The following ZC3H18 variants were observed in gnomAD, a reference collection of about 807,000 sequenced individuals.
ZC3H18 encodes the protein zinc finger CCCH domain-containing protein 18.
ZC3H18 carries 8 observed loss-of-function variants against 106.1 expected under a neutral mutation model. That is an observed-to-expected ratio of 0.08 (90% CI 0.04 to 0.14). ZC3H18 has a LOEUF of 0.14. Ranked by LOEUF, ZC3H18 falls within the 10% of genes least tolerant of loss-of-function variation. The pLI is 1.00. For synonymous variants in ZC3H18, 635 were observed against 522.1 expected, an observed-to-expected ratio of 1.22 and a Z score of -2.95; for missense variants, 1,318 against 1,278.4, an observed-to-expected ratio of 1.03 and a Z score of -0.47.
chr16:88,591,665 C>T (rs1453971358), intron 3 of ZC3H18, among the ~76,000 whole-genome samples: 1 of 152,172 alleles, frequency 6.6e-6, no homozygotes. Flanking sequence ...TGGGTGGTTT[C>T]CACCTCTAGG....
chr16:88,614,341 AAAAC>A (rs1905448719), intron 8 of ZC3H18, among the ~76,000 whole-genome samples: 1 of 152,238 alleles, frequency 6.6e-6, no homozygotes. Flanking sequence ...CCACGGGACA[AAAAC>A]AAGCCCCTTG....
chr16:88,585,038 C>T (rs887712230), intron 2 of ZC3H18, among the ~76,000 whole-genome samples: 1 of 152,194 alleles, frequency 6.6e-6, no homozygotes, highest in Admixed American at 6.5e-5. Context: ...TAGTGTGGTG[C>T]TCATTACTGT....
chr16:88,598,439 G>A, intron 4 of ZC3H18, 113 bp downstream of exon 4: 1 of 1,502,990 alleles, frequency 6.7e-7, no homozygotes, highest in East Asian at 2.3e-5. Context: ...CCCCCTTTCG[G>A]CTGCTTCTGT....
At chr16:88,572,188 T>G (rs557883839) in intron 1 of ZC3H18, among the ~76,000 whole-genome samples, 8 of 152,344 alleles carry the variant, frequency 5.3e-5, no homozygotes, top group Admixed American at 6.5e-5. Context: ...TCTTTAGGCT[T>G]GGAAGGTCAT....
rs11371124 is a variant in ZC3H18 at position 88,578,535 on chromosome 16, G to GTT, written c.603+818_603+819dup. On this transcript the variant is annotated intron_variant, in intron 2 of 17. Coordinates refer to ENST00000301011, the MANE Select transcript of ZC3H18 (RefSeq NM_144604.4). Reference sequence around the variant, plus strand: ...AGTTGAACTGAACTGGGTTTTTGTTGTTTTTTTTTTGAAAGATCCTGGGGA... The same window carrying GTT: ...AGTTGAACTGAACTGGGTTTTTGTTGTTTTTTTTTTTTGAAAGATCCTGGGGA... Among the ~76,000 whole-genome samples, 430 of 149,068 alleles carry GTT rather than the reference G, an allele frequency of 2.9e-3. 2 individuals carry two copies. Among genetic ancestry groups the GTT allele is most frequent in the Admixed American group, 7.5e-3 (112 of 14,960 alleles).
At chr16:88,630,616 G>A (rs765948895) in intron 17 of ZC3H18, 35 bp downstream of exon 17, 16 of 1,552,638 alleles carry the variant, frequency 1.0e-5, no homozygotes, top group South Asian at 3.5e-5. Context: ...TGGGCACACC[G>A]AGGGGGCCAG....
At chr16:88,618,330 G>A (rs1409565682) in intron 8 of ZC3H18, among the ~76,000 whole-genome samples, 1 of 152,248 alleles carries the variant, frequency 6.6e-6, no homozygotes, top group African/African-American at 2.4e-5. Flanking sequence ...AACAAGCCAG[G>A]AGAGAAGCTT....
intron 6 of ZC3H18, among the ~76,000 whole-genome samples, chr16:88,603,858 C>T (rs1221046312): frequency 6.7e-6 from 1 of 150,290 alleles, no homozygotes; most frequent in African/African-American, 2.5e-5. Context: ...TGGTCTCGAT[C>T]TCCTGACCTT....
chr16:88,573,379 G>C (rs776819817), intron 1 of ZC3H18, among the ~76,000 whole-genome samples: 1 of 152,008 alleles, frequency 6.6e-6, no homozygotes, highest in African/African-American at 2.4e-5. Flanking sequence ...GTTTGCCACC[G>C]GTGACTTACT....
intron 11 of ZC3H18, 67 bp downstream of exon 11, chr16:88,624,129 C>A (rs1267005661): frequency 6.3e-7 from 1 of 1,578,092 alleles, no homozygotes; most frequent in Non-Finnish European, 8.6e-7. Flanking sequence ...CTCCTCCCTC[C>A]GTCTCTATCT....
intron 6 of ZC3H18, among the ~76,000 whole-genome samples, chr16:88,602,267 C>T: frequency 6.6e-6 from 1 of 152,250 alleles, no homozygotes; most frequent in Non-Finnish European, 1.5e-5. Context: ...GCCTTAATGG[C>T]ACAGAAGAGG....
At chr16:88,626,265 T>C (rs1906303918) in intron 13 of ZC3H18, 1 of 152,204 alleles carries the variant, frequency 6.6e-6, no homozygotes, top group African/African-American at 2.4e-5. Flanking sequence ...AAATTTTTTT[T>C]AATTAGCTGG....
chr16:88,622,423 C>T (rs1176394298), intron 9 of ZC3H18, 35 bp downstream of exon 9: 2 of 1,558,880 alleles, frequency 1.3e-6, no homozygotes, highest in East Asian at 2.4e-5. Context: ...GGGGTGTCAG[C>T]ACCTTGGAGC....
At position 88,605,456 on chromosome 16, in the gene ZC3H18, G is replaced by A. The variant is rs114546464; in HGVS notation, c.1089-3478G>A. ...GCAAGAGGCAGCAGGGGGCTGCGTC[G>A]CTGCTCCCTTTGTGAGCTGCCTGGG... is the stretch of plus-strand genomic sequence containing the variant. On this transcript the variant is annotated intron_variant, in intron 6 of 17. Coordinates refer to ENST00000301011, the MANE Select transcript of ZC3H18 (RefSeq NM_144604.4). Among the ~76,000 whole-genome samples the A allele has an allele frequency of 2.6e-3, 392 of 152,354 alleles. 1 individual carries two copies. Among genetic ancestry groups the A allele is most frequent in the African/African-American group, 8.8e-3 (365 of 41,588 alleles).
chr16:88,583,781 G>C (rs904723663), intron 2 of ZC3H18, among the ~76,000 whole-genome samples: 3 of 152,180 alleles, frequency 2.0e-5, no homozygotes, highest in African/African-American at 7.2e-5. Context: ...GTCCCAGGTG[G>C]TGTGTGTTGA....
At chr16:88,604,498 A>T (rs990531399) in intron 6 of ZC3H18, among the ~76,000 whole-genome samples, 12 of 152,166 alleles carry the variant, frequency 7.9e-5, no homozygotes, top group Admixed American at 1.3e-4. Flanking sequence ...CGTTCTGGCT[A>T]ACATGGTGAA....
chr16:88,627,454 T>A lies in ZC3H18; in HGVS notation c.2109-168T>A. Reference sequence around the variant, plus strand: ...GGGCCCTGGCCTAGCCATGGGGACGTCCCTTACTTTGTAACCCTGAAACTG... The same window carrying A: ...GGGCCCTGGCCTAGCCATGGGGACGACCCTTACTTTGTAACCCTGAAACTG... On this transcript the variant is annotated intron_variant, in intron 13 of 17. Transcript: ENST00000301011. The surrounding 1 kb of genome is among the most constrained non-coding windows in gnomAD (Gnocchi z 4.5). 1.2e-6 allele frequency: 1 copy of A among 867,336 alleles called. No individual in the cohort carries two copies. 53.7% of individuals were successfully genotyped at this position (867,336 alleles called of 1,614,324 possible). A position where few individuals can be genotyped will look rare whatever the true frequency, so the allele number is the denominator to read the frequency against.
intron 1 of ZC3H18, among the ~76,000 whole-genome samples, chr16:88,571,129 G>A (rs1415099776): frequency 2.6e-5 from 4 of 152,288 alleles, no homozygotes; most frequent in African/African-American, 9.6e-5. Flanking sequence ...AGAGGTGCTG[G>A]GTCCTTTATA....
chr16:88,618,186 C>CTT (rs538070999), intron 8 of ZC3H18, among the ~76,000 whole-genome samples: 6 of 143,710 alleles, frequency 4.2e-5, no homozygotes, highest in East Asian at 2.0e-4. Flanking sequence ...TTGGACTCCA[C>CTT]TTTTTTTTTT....
Sources: allele counts gnomAD v4.1 joint callset (sites outside exome capture counted in the v4.1 genomes callset), GRCh38; gene constraint gnomAD v4.1.1; non-coding constraint Gnocchi (gnomAD v3.1); transcripts MANE v1.5; gene names NCBI Gene and HGNC (gene_info 2026-07-23, HGNC 2026-07-21).